The following NAALADL2 variants were observed in gnomAD, a reference collection of about 807,000 sequenced individuals.
NAALADL2 encodes the protein inactive N-acetylated-alpha-linked acidic dipeptidase-like protein 2.
A neutral mutation model predicts 87.2 loss-of-function variants in NAALADL2; 76 were observed. That is an observed-to-expected ratio of 0.87 (90% confidence interval 0.72 to 1.05). The LOEUF (loss-of-function observed/expected upper bound fraction) is 1.05, where lower values mean the gene tolerates loss of function less well. Among genes scored for constraint, NAALADL2 ranks in the 50% least tolerant of loss-of-function variants. NAALADL2 has a pLI of 0.00. For synonymous variants in NAALADL2, 354 were observed against 331.0 expected (o/e 1.07, Z -0.75); for missense variants, 1,089 against 945.8 (o/e 1.15, Z -1.99).
intron 11 of NAALADL2, among the ~76,000 whole-genome samples, chr3:175,727,287 G>C (rs1236883187): frequency 6.6e-6 from 1 of 152,110 alleles, no homozygotes; most frequent in Non-Finnish European, 1.5e-5. Flanking sequence ...TGAGAGAAAA[G>C]AACTCTTTCC....
chr3:175,086,361 G>A (rs1306238381), intron 1 of NAALADL2, among the ~76,000 whole-genome samples: 4 of 151,922 alleles, frequency 2.6e-5, no homozygotes, highest in South Asian at 4.1e-4. Context: ...TAATGAGAAA[G>A]GCTGAAGGGA....
rs184294112 is a variant in NAALADL2, at chr3:175,295,657, T to C, written c.940-28518T>C. On this transcript the variant is annotated intron_variant, in intron 4 of 13. Transcript: ENST00000454872. ...TCTGTGTTGCTGCCAAAGTGTTATC[T>C]GAAAACACAATCTGACAATCATACT... Among the ~76,000 whole-genome samples the C allele has an allele frequency of 5.3e-4, 81 of 151,778 alleles. No homozygotes were observed. The East Asian group carries it at 6.8e-3, about 13-fold the overall frequency.
intron 4 of NAALADL2, among the ~76,000 whole-genome samples, chr3:175,283,690 G>A (rs900009820): frequency 2.0e-5 from 3 of 152,118 alleles, no homozygotes; most frequent in African/African-American, 7.2e-5. Flanking sequence ...TGTGCTCAAG[G>A]GATGAGGGTC....
At chr3:175,159,620 A>G (rs1732825380) in intron 2 of NAALADL2, among the ~76,000 whole-genome samples, 1 of 152,190 alleles carries the variant, frequency 6.6e-6, no homozygotes, top group South Asian at 2.1e-4. Context: ...AATCTTTTAT[A>G]GGTAGTTCAA....
At chr3:175,760,867 T>A (rs1747912070) in intron 13 of NAALADL2, among the ~76,000 whole-genome samples, 1 of 152,178 alleles carries the variant, frequency 6.6e-6, no homozygotes, top group African/African-American at 2.4e-5. Flanking sequence ...CTTAAACAAA[T>A]TGATAGTCTT....
intron 13 of NAALADL2, chr3:175,767,788 C>A (rs186019151): frequency 3.0e-4 from 46 of 152,108 alleles, no homozygotes; most frequent in African/African-American, 9.9e-4. Flanking sequence ...CAGTTCCAGC[C>A]GCCTGCAGTT....
intron 5 of NAALADL2, among the ~76,000 whole-genome samples, chr3:175,388,151 G>C (rs1021296941): frequency 1.3e-5 from 2 of 152,042 alleles, no homozygotes; most frequent in African/African-American, 2.4e-5. Flanking sequence ...TATCTGAGTT[G>C]ATTAGTAAGT....
At chr3:174,613,889 T>A (rs1201453196) in intron 2 of NAALADL2, among the ~76,000 whole-genome samples, 1 of 152,212 alleles carries the variant, frequency 6.6e-6, no homozygotes, top group Non-Finnish European at 1.5e-5. Context: ...GGTTCTTTAG[T>A]TAGCAAGTGA....
chr3:174,991,257 G>C (rs908083662), intron 1 of NAALADL2, among the ~76,000 whole-genome samples: 3 of 152,018 alleles, frequency 2.0e-5, no homozygotes, highest in Non-Finnish European at 2.9e-5. Context: ...GTAAATACAA[G>C]AGACAATTTT....
intron 9 of NAALADL2, among the ~76,000 whole-genome samples, chr3:175,510,262 C>T (rs989132031): frequency 3.9e-5 from 6 of 152,084 alleles, no homozygotes; most frequent in Admixed American, 6.6e-5. Flanking sequence ...GAAACTGCCC[C>T]CATGATTCAA....
intron 2 of NAALADL2, among the ~76,000 whole-genome samples, chr3:174,737,072 G>A (rs1733292435): frequency 6.6e-6 from 1 of 152,216 alleles, no homozygotes; most frequent in Admixed American, 6.5e-5. Context: ...AACTCAGGAG[G>A]GTGGAGATTC....
At chr3:175,582,319 A>G (rs1046695742) in intron 10 of NAALADL2, among the ~76,000 whole-genome samples, 35 of 152,308 alleles carry the variant, frequency 2.3e-4, no homozygotes, top group African/African-American at 8.4e-4. Context: ...AAATGGCTGC[A>G]AGGAGGACAG....
intron 5 of NAALADL2, among the ~76,000 whole-genome samples, chr3:175,433,705 T>G (rs1718163103): frequency 6.6e-6 from 1 of 152,042 alleles, no homozygotes; most frequent in African/African-American, 2.4e-5. Context: ...TTTTTTTTTC[T>G]CTTTTGGATG....
At position 175,013,410 on chromosome 3, in the gene NAALADL2, T is replaced by C. The variant is rs1233629551; in HGVS notation, c.44-83380T>C. ...ACCTCCTGGGTTCAAGTGATTCTTA[T>C]GCCTAAGCCTCTCAGGTAGCTGGGA... On this transcript the variant is annotated intron_variant, in intron 1 of 13. Transcript: ENST00000454872. Among the ~76,000 whole-genome samples the C allele has an allele frequency of 5.2e-4, 77 of 147,188 alleles. 1 individual carries two copies. The highest frequency in any genetic ancestry group is 1.6e-4 in the Non-Finnish European group (11 of 67,276).
chr3:174,991,428 G>A (rs1746727238), intron 1 of NAALADL2, among the ~76,000 whole-genome samples: 2 of 151,712 alleles, frequency 1.3e-5, no homozygotes. Context: ...TTATGAAAAT[G>A]TTACAAAAAT....
intron 2 of NAALADL2, among the ~76,000 whole-genome samples, chr3:175,211,043 C>T (rs894098661): frequency 6.6e-6 from 1 of 151,730 alleles, no homozygotes; most frequent in African/African-American, 2.4e-5. Context: ...GGCCCATTAG[C>T]TCAGAGCATT....
chr3:174,915,647 T>A (rs1312598751), intron 1 of NAALADL2, among the ~76,000 whole-genome samples: 1 of 152,302 alleles, frequency 6.6e-6, no homozygotes, highest in South Asian at 2.1e-4. Context: ...TATTTACATT[T>A]AAAAATTGAA....
chr3:175,691,499 G>C (rs916824913), intron 11 of NAALADL2, among the ~76,000 whole-genome samples: 3 of 151,614 alleles, frequency 2.0e-5, no homozygotes, highest in Admixed American at 1.3e-4. Flanking sequence ...AATTCTTACT[G>C]TTTGTAATAT....
At chr3:175,471,221 C>G (rs150953454) in intron 8 of NAALADL2, among the ~76,000 whole-genome samples, 1 of 151,796 alleles carries the variant, frequency 6.6e-6, no homozygotes, top group East Asian at 1.9e-4. Context: ...TGCGGTGGCT[C>G]ACGTCTATAA....
Sources: gnomAD v4.1 joint callset for allele counts (sites outside exome capture counted in the v4.1 genomes callset) on GRCh38, gnomAD v4.1.1 for gene constraint, MANE v1.5 for transcripts, NCBI Gene and HGNC (gene_info 2026-07-23, HGNC 2026-07-21) for gene names.